The following LCN9 variants were observed in gnomAD, a reference collection of about 807,000 sequenced individuals.
LCN9 encodes epididymal-specific lipocalin-9.
In LCN9, 22 loss-of-function variants were observed where a neutral mutation model predicts 18.5. The ratio of observed to expected loss-of-function variants is 1.19; its 90% CI spans 0.85 to 1.70. The LOEUF is 1.70. Ranked by LOEUF, LCN9 falls within the 40% of genes most tolerant of loss-of-function variation. The pLI is 0.00. For synonymous variants in LCN9, 89 were observed against 83.0 expected, an observed-to-expected ratio of 1.07 and a Z score of -0.39; for missense variants, 202 against 201.3, an observed-to-expected ratio of 1.00 and a Z score of -0.02.
chr9:135,665,347 C>G lies in LCN9; in HGVS notation c.410C>G (p.Ala137Gly). ...AACGGGACCGAGACCCACACGCTGGCGCTCTATGGTACCTCCGCTGTCCCC... is the reference window on the plus strand; with the variant it reads ...AACGGGACCGAGACCCACACGCTGGGGCTCTATGGTACCTCCGCTGTCCCC... Residue 137 changes from alanine to glycine, a missense_variant, in exon 4 of 6, where the codon GCG becomes GGG. Ala to Gly is a moderately conservative substitution (Grantham distance 60, BLOSUM62 0). Coordinates refer to ENST00000619315, the Ensembl canonical transcript of LCN9. This position sits in a 1 kb window ranked among gnomAD's most constrained non-coding sequence, Gnocchi z 5.9. 6.3e-7 allele frequency: 1 copy of G among 1,596,456 alleles called. No homozygotes were observed.
exon 6 of LCN9, chr9:135,666,383 G>T: frequency 2.1e-6 from 1 of 471,022 alleles, no homozygotes; most frequent in Non-Finnish European, 3.8e-6. Flanking sequence ...AAGGACACTT[G>T]TCATTGGATT....
At chr9:135,663,833 G>A (rs1366729299) in intron 1 of LCN9, among the ~76,000 whole-genome samples, 6 of 33,508 alleles carry the variant, frequency 1.8e-4, no homozygotes, top group Non-Finnish European at 2.4e-4. Flanking sequence ...GAGACCTGTG[G>A]GGCAGAGGGG....
At position 135,664,102 on chromosome 9, in the gene LCN9, C is replaced by G. The variant is rs986620063; in HGVS notation, c.97-60C>G. The G allele has an allele frequency of 2.9e-5, 46 of 1,587,302 alleles. No individual in the cohort carries two copies. In the Middle Eastern group the frequency reaches 5.9e-4, roughly 20 times the overall value. ...GGGCCCTGGGAGGGAAGACTGTGGG[C>G]GCTAAGCATCCCCAGGGCTGTCCCG... On this transcript the variant is annotated intron_variant, in intron 1 of 5. Transcript: ENST00000619315. The surrounding 1 kb of genome is among the most constrained non-coding windows in gnomAD (Gnocchi z 4.5).
At position 135,664,171 on chromosome 9, in the gene LCN9, G is replaced by T; in HGVS notation, c.106G>T (p.Val36Phe). The T allele has an allele frequency of 1.2e-6, 2 of 1,613,676 alleles. No individual in the cohort carries two copies. The highest frequency in any genetic ancestry group is 8.5e-7 in the Non-Finnish European group (1 of 1,179,710). ...AGCTCTTTGTCTTCAGGTTTCAGGG[G>T]TCTGGTATTCTATTTTCATGGCCTC... Residue 36 changes from valine (V) to phenylalanine (F), a missense_variant, in exon 2 of 6, where the codon GTC becomes TTC. By Grantham distance (50) the Val-to-Phe change is conservative (BLOSUM62 -1). Transcript: ENST00000619315. The surrounding 1 kb of genome is among the most constrained non-coding windows in gnomAD (Gnocchi z 4.5).
rs758126255 is a variant in LCN9 at position 135,663,433 on chromosome 9, G to C, written c.96+16G>C. 6.2e-7 allele frequency: 1 copy of C among 1,610,602 alleles called. No individual in the cohort carries two copies. Among genetic ancestry groups the C allele is most frequent in the Admixed American group, 1.7e-5 (1 of 60,002 alleles). The stretch of plus-strand genomic sequence containing the variant: ...CGTGGCCAGGGTGTGTCTGCGTTGG[G>C]GTCTGTGGGGAAGGGGCCAGGCTTC... On this transcript the variant is annotated intron_variant, in intron 1 of 5. Coordinates refer to ENST00000619315, the Ensembl canonical transcript of LCN9.
Position 135,664,741 on chromosome 9 carries a change from G to A in LCN9, c.253G>A (p.Ala85Thr), listed in dbSNP as rs369028810. 115 of 1,598,446 alleles carry A rather than the reference G, an allele frequency of 7.2e-5. No individual in the cohort carries two copies. The highest frequency in any genetic ancestry group is 9.4e-5 in the Non-Finnish European group (110 of 1,173,048). Reference sequence around the variant, plus strand: ...TTCCAGGGTGCAGGGGGAGTGTGTGGCTGTGGTCGTGGTCTGCGAGAAGAC... The same window carrying A: ...TTCCAGGGTGCAGGGGGAGTGTGTGACTGTGGTCGTGGTCTGCGAGAAGAC... The change falls in exon 3 of 6, where the codon GCT becomes ACT. Residue 85 changes from alanine (A) to threonine (T), a missense_variant. By Grantham distance (58) the Ala-to-Thr change is moderately conservative. Coordinates refer to ENST00000619315, the Ensembl canonical transcript of LCN9. The surrounding 1 kb of genome is among the most constrained non-coding windows in gnomAD (Gnocchi z 4.5).
Position 135,664,045 on chromosome 9 carries a change from G to A in LCN9, c.97-117G>A, listed in dbSNP as rs1223328253. The A allele has an allele frequency of 2.8e-6, 3 of 1,088,508 alleles. No homozygotes were observed. Among genetic ancestry groups the A allele is most frequent in the Non-Finnish European group, 3.9e-6 (3 of 762,614 alleles). The allele number at this position is 1,088,508 out of a possible 1,614,324, so 67.4% of individuals were successfully genotyped here. ...CCTGGGGGCACTGGAAGGGCGGAGGGGTTCTGGTTGGGAGCCAGATGCTAA... is the reference window on the plus strand; with the variant it reads ...CCTGGGGGCACTGGAAGGGCGGAGGAGTTCTGGTTGGGAGCCAGATGCTAA... On this transcript the variant is annotated intron_variant, in intron 1 of 5. Coordinates refer to ENST00000619315, the Ensembl canonical transcript of LCN9. This position sits in a 1 kb window ranked among gnomAD's most constrained non-coding sequence, Gnocchi z 4.5.
At position 135,665,222 on chromosome 9, in the gene LCN9, C is replaced by G; in HGVS notation, c.308-23C>G. On this transcript the variant is annotated intron_variant, in intron 3 of 5. Transcript: ENST00000619315. The surrounding 1 kb of genome is among the most constrained non-coding windows in gnomAD (Gnocchi z 5.9). ...CCCTGAGGGTGGCGGGGCCAGGCCA[C>G]GCTGAGCCATGTCTCCACGCAGATG... 6.6e-7 allele frequency: 1 copy of G among 1,518,662 alleles called. No individual in the cohort carries two copies. The highest frequency in any genetic ancestry group is 9.0e-7 in the Non-Finnish European group (1 of 1,112,030). 94.1% of individuals were successfully genotyped at this position (1,518,662 alleles called of 1,614,324 possible). A position where few individuals can be genotyped will look rare whatever the true frequency, so the allele number is the denominator to read the frequency against.
At position 135,665,922 on chromosome 9, in the gene LCN9, C is replaced by T. The variant is rs759509433; in HGVS notation, c.*71C>T. The T allele has an allele frequency of 1.2e-5, 20 of 1,609,534 alleles. No individual in the cohort carries two copies. The highest frequency in any genetic ancestry group is 1.2e-4 in the African/African-American group (9 of 74,834). On this transcript the variant is annotated 3_prime_UTR_variant, in exon 6 of 6. Coordinates refer to ENST00000619315, the Ensembl canonical transcript of LCN9. This position sits in a 1 kb window ranked among gnomAD's most constrained non-coding sequence, Gnocchi z 5.9. ...GGCCTCCCATGCGTGAGCTGCGACT[C>T]GGGACGGGCAGGGGGCTGGATGGGG... is the stretch of plus-strand genomic sequence containing the variant.
At chr9:135,663,545 T>G in intron 1 of LCN9, 128 bp downstream of exon 1, 3 of 537,650 alleles carry the variant, frequency 5.6e-6, no homozygotes, top group South Asian at 1.7e-5. Flanking sequence ...CTCCCCAAGC[T>G]GTGACAGCAG....
In LCN9 at chr9:135,664,950, A is replaced by AG. The variant is rs376653506; in HGVS notation, c.307+161dup. Among the ~76,000 whole-genome samples, 832 of 152,168 alleles carry AG rather than the reference A, an allele frequency of 5.5e-3. 11 individuals carry two copies. The highest frequency in any genetic ancestry group is 0.019 in the African/African-American group (793 of 41,534). On this transcript the variant is annotated intron_variant, in intron 3 of 5. Transcript: ENST00000619315. This position sits in a 1 kb window ranked among gnomAD's most constrained non-coding sequence, Gnocchi z 4.5. Reference sequence around the variant, plus strand: ...GAGGGACCCATCCTGGCACCTACCCAGGGGGGCTCCTGGCCCAGGGGAAGC... The same window carrying AG: ...GAGGGACCCATCCTGGCACCTACCCAGGGGGGGCTCCTGGCCCAGGGGAAGC...
At position 135,664,800 on chromosome 9, in the gene LCN9, G is replaced by T; in HGVS notation, c.307+5G>T. On this transcript the variant is annotated splice_donor_5th_base_variant and intron_variant, in intron 3 of 5. Transcript: ENST00000619315. The surrounding 1 kb of genome is among the most constrained non-coding windows in gnomAD (Gnocchi z 4.5). ...ATGGGGAATACTCCATCAACTGTAAGTGGAAGCCAGGCTCCTCCTGGTCTC... is the reference window on the plus strand; with the variant it reads ...ATGGGGAATACTCCATCAACTGTAATTGGAAGCCAGGCTCCTCCTGGTCTC... 6.3e-7 allele frequency: 1 copy of T among 1,577,006 alleles called. No homozygotes were observed. Among genetic ancestry groups the T allele is most frequent in the Non-Finnish European group, 8.6e-7 (1 of 1,161,564 alleles).
Position 135,664,742 on chromosome 9 carries a change from C to T in LCN9, c.254C>T (p.Ala85Val). 6.3e-7 allele frequency: 1 copy of T among 1,598,504 alleles called. No individual in the cohort carries two copies. Among genetic ancestry groups the T allele is most frequent in the Non-Finnish European group, 8.5e-7 (1 of 1,173,026 alleles). ...TCCAGGGTGCAGGGGGAGTGTGTGG[C>T]TGTGGTCGTGGTCTGCGAGAAGACA... Residue 85 changes from alanine to valine, a missense_variant, in exon 3 of 6, where the codon GCT (alanine) becomes GTT (valine). Coordinates refer to ENST00000619315, the Ensembl canonical transcript of LCN9. This position sits in a 1 kb window ranked among gnomAD's most constrained non-coding sequence, Gnocchi z 4.5.
chr9:135,665,433 G>A lies in LCN9; in HGVS notation c.418+78G>A. Reference sequence around the variant, plus strand: ...TCCGGCCCAACCCTGGGCGGAGGAGGGTCTCGCAGTGGCCCTGGGGTTTGG... The same window carrying A: ...TCCGGCCCAACCCTGGGCGGAGGAGAGTCTCGCAGTGGCCCTGGGGTTTGG... On this transcript the variant is annotated intron_variant, in intron 4 of 5. Transcript: ENST00000619315. The surrounding 1 kb of genome is among the most constrained non-coding windows in gnomAD (Gnocchi z 5.9). 3 of 1,218,940 alleles carry A rather than the reference G, an allele frequency of 2.5e-6. No individual in the cohort carries two copies. Among genetic ancestry groups the A allele is most frequent in the Non-Finnish European group, 3.5e-6 (3 of 847,914 alleles). 75.5% of individuals were successfully genotyped at this position (1,218,940 alleles called of 1,614,324 possible). A position where few individuals can be genotyped will look rare whatever the true frequency, so the allele number is the denominator to read the frequency against.
In LCN9 at chr9:135,664,831, C is replaced by T. The variant is rs146161998; in HGVS notation, c.307+36C>T. 6.6e-3 allele frequency: 10,169 copies of T among 1,546,262 alleles called. 41 individuals are homozygous for T. The highest frequency in any genetic ancestry group is 7.8e-3 in the Non-Finnish European group (8,913 of 1,141,832). Reference sequence around the variant, plus strand: ...GCCAGGCTCCTCCTGGTCTCACAGTCGGGGGTCTCCTTTCTCCAGGGCCTG... The same window carrying T: ...GCCAGGCTCCTCCTGGTCTCACAGTTGGGGGTCTCCTTTCTCCAGGGCCTG... On this transcript the variant is annotated intron_variant, in intron 3 of 5. Transcript: ENST00000619315. The surrounding 1 kb of genome is among the most constrained non-coding windows in gnomAD (Gnocchi z 4.5).
At chr9:135,663,953 CG>C (rs1353140803) in intron 1 of LCN9, among the ~76,000 whole-genome samples, 1 of 100,940 alleles carries the variant, frequency 9.9e-6, no homozygotes, top group Non-Finnish European at 1.9e-5. Context: ...CCTGGAAGGG[CG>C]GAGGGCATTC....
Position 135,665,356 on chromosome 9 carries a change from G to T in LCN9, c.418+1G>T. The T allele has an allele frequency of 6.3e-7, 1 of 1,589,294 alleles. No homozygotes were observed. Among genetic ancestry groups the T allele is most frequent in the South Asian group, 1.2e-5 (1 of 86,924 alleles). ...GAGACCCACACGCTGGCGCTCTATG[G>T]TACCTCCGCTGTCCCCCTCTGACCC... On this transcript the variant is annotated splice_donor_variant, in intron 4 of 5. Coordinates refer to ENST00000619315, the Ensembl canonical transcript of LCN9. LOFTEE classifies it high-confidence loss of function. The surrounding 1 kb of genome is among the most constrained non-coding windows in gnomAD (Gnocchi z 5.9).
Position 135,665,117 on chromosome 9 carries a change from C to T in LCN9, c.308-128C>T. 2 of 702,066 alleles carry T rather than the reference C, an allele frequency of 2.8e-6. No individual in the cohort carries two copies. The highest frequency in any genetic ancestry group is 2.5e-6 in the Non-Finnish European group (1 of 397,882). The allele number at this position is 702,066 out of a possible 1,614,324, so 43.5% of individuals were successfully genotyped here. A position where few individuals can be genotyped will look rare whatever the true frequency, so the allele number is the denominator to read the frequency against. On this transcript the variant is annotated intron_variant, in intron 3 of 5. Coordinates refer to ENST00000619315, the Ensembl canonical transcript of LCN9. The surrounding 1 kb of genome is among the most constrained non-coding windows in gnomAD (Gnocchi z 5.9). ...GCAGGGGTCTCCGCTGGGTGAGCAC[C>T]GTGGGCTCCTCCCCTCCCGCCTCAA...
chr9:135,664,655 G>A lies in LCN9; in HGVS notation c.234-67G>A, dbSNP rs992172827. The A allele has an allele frequency of 1.7e-5, 23 of 1,375,310 alleles. No individual in the cohort carries two copies. The highest frequency in any genetic ancestry group is 2.2e-5 in the Non-Finnish European group (22 of 1,011,096). The allele number at this position is 1,375,310 out of a possible 1,614,324, so 85.2% of individuals were successfully genotyped here. A position where few individuals can be genotyped will look rare whatever the true frequency, so the allele number is the denominator to read the frequency against. The stretch of plus-strand genomic sequence containing the variant: ...TGAGCCTGTGCCCTGGAGGAGGGGT[G>A]CTCTCTGCCATCGCACGTCCAGGGG... On this transcript the variant is annotated intron_variant, in intron 2 of 5. Coordinates refer to ENST00000619315, the Ensembl canonical transcript of LCN9. The surrounding 1 kb of genome is among the most constrained non-coding windows in gnomAD (Gnocchi z 4.5).
Sources: allele counts gnomAD v4.1 joint callset (sites outside exome capture counted in the v4.1 genomes callset), GRCh38; gene constraint gnomAD v4.1.1; non-coding constraint Gnocchi (gnomAD v3.1); transcripts MANE v1.5; gene names NCBI Gene and HGNC (gene_info 2026-07-23, HGNC 2026-07-21).